The following NAV2 variants were observed in gnomAD, a reference collection of about 807,000 sequenced individuals.
NAV2 encodes neuron navigator 2, also known as helicase, APC down-regulated 1.
A neutral mutation model predicts 223.2 loss-of-function variants in NAV2; 54 were observed. The ratio of observed to expected loss-of-function variants is 0.24; its 90% CI spans 0.19 to 0.30. The LOEUF is 0.30. Ranked by LOEUF, NAV2 falls within the 10% of genes least tolerant of loss-of-function variation. The pLI is 1.00. For synonymous variants in NAV2, 1,279 were observed against 1,239.3 expected, an observed-to-expected ratio of 1.03 and a Z score of -0.67; for missense variants, 2,806 against 3,147.5, an observed-to-expected ratio of 0.89 and a Z score of 2.60.
At chr11:19,718,438 T>C (rs1263656234) in intron 1 of NAV2, among the ~76,000 whole-genome samples, 1 of 151,528 alleles carries the variant, frequency 6.6e-6, no homozygotes, top group African/African-American at 2.4e-5. Flanking sequence ...TAATTAGAAG[T>C]GATTGAACTT....
At chr11:20,044,706 C>A (rs1408578031) in intron 13 of NAV2, among the ~76,000 whole-genome samples, 1 of 152,126 alleles carries the variant, frequency 6.6e-6, no homozygotes, top group Non-Finnish European at 1.5e-5. Context: ...GGGGTTCTTT[C>A]CCCCCAGACA....
At chr11:19,382,575 C>G (rs577720764) in intron 1 of NAV2, among the ~76,000 whole-genome samples, 26 of 152,294 alleles carry the variant, frequency 1.7e-4, no homozygotes, top group African/African-American at 6.0e-4. Flanking sequence ...TTGTCTCCCC[C>G]ACATTGCAGA....
chr11:20,093,282 T>C (rs1291650598), intron 29 of NAV2, 83 bp downstream of exon 29: 9 of 903,658 alleles, frequency 1.0e-5, no homozygotes, highest in African/African-American at 1.6e-5. Context: ...GTAAAACCTC[T>C]ATCACCTTGG....
chr11:19,763,082 G>C (rs139191406), intron 1 of NAV2, among the ~76,000 whole-genome samples: 9 of 152,278 alleles, frequency 5.9e-5, no homozygotes, highest in African/African-American at 2.2e-4. Flanking sequence ...TTGTCTGTCT[G>C]GTTCACTACT....
intron 8 of NAV2, among the ~76,000 whole-genome samples, chr11:19,944,284 T>G (rs1230007899): frequency 6.6e-6 from 1 of 152,180 alleles, no homozygotes; most frequent in Admixed American, 6.5e-5. Flanking sequence ...TGTGGCATAT[T>G]TCTCATGGTA....
intron 22 of NAV2, among the ~76,000 whole-genome samples, chr11:20,073,001 C>T (rs1835212439): frequency 6.6e-6 from 1 of 152,162 alleles, no homozygotes; most frequent in African/African-American, 2.4e-5. Context: ...AGAGGGCATC[C>T]TTGTCTTGTG....
chr11:19,964,722 A>G (rs917477728), intron 10 of NAV2, among the ~76,000 whole-genome samples: 2 of 151,420 alleles, frequency 1.3e-5, no homozygotes, highest in African/African-American at 4.9e-5. Flanking sequence ...GCTGGTCTCA[A>G]ACTCCTAGCC....
At chr11:19,509,525 A>T (rs1335645048) in intron 1 of NAV2, among the ~76,000 whole-genome samples, 2 of 152,194 alleles carry the variant, frequency 1.3e-5, no homozygotes, top group South Asian at 4.1e-4. Context: ...TGCACTGAAG[A>T]TTTGGCTGAT....
chr11:19,859,785 C>A (rs1402898119), intron 3 of NAV2, among the ~76,000 whole-genome samples: 2 of 146,414 alleles, frequency 1.4e-5, no homozygotes, highest in Middle Eastern at 3.6e-3. Flanking sequence ...CCCCCCACCT[C>A]CCTCCCGGAC....
chr11:19,408,976 G>A (rs1450781306), intron 1 of NAV2, among the ~76,000 whole-genome samples: 2 of 142,794 alleles, frequency 1.4e-5, no homozygotes, highest in Non-Finnish European at 3.1e-5. Context: ...GAGCTGTGAA[G>A]CTAAAGGTTA....
At chr11:19,670,505 T>C (rs958603935) in intron 1 of NAV2, among the ~76,000 whole-genome samples, 2 of 152,204 alleles carry the variant, frequency 1.3e-5, no homozygotes, top group Non-Finnish European at 2.9e-5. Flanking sequence ...TGCATGTTCT[T>C]TGGTCACATT....
At chr11:19,462,248 A>G (rs117450082) in intron 1 of NAV2, among the ~76,000 whole-genome samples, 1 of 152,338 alleles carries the variant, frequency 6.6e-6, no homozygotes, top group East Asian at 1.9e-4. Flanking sequence ...CTATCCCCAG[A>G]GTTTCTGATT....
intron 1 of NAV2, among the ~76,000 whole-genome samples, chr11:19,439,180 G>A (rs1322799527): frequency 6.6e-6 from 1 of 152,134 alleles, no homozygotes; most frequent in Non-Finnish European, 1.5e-5. Flanking sequence ...TATGGCTCGG[G>A]AAGTTCCAAG....
At chr11:19,515,240 G>T (rs2043409187) in intron 1 of NAV2, among the ~76,000 whole-genome samples, 1 of 152,188 alleles carries the variant, frequency 6.6e-6, no homozygotes, top group Non-Finnish European at 1.5e-5. Flanking sequence ...AGGAGTAAAT[G>T]AAAGCAGGCA....
chr11:20,049,185 C>G lies in NAV2; in HGVS notation c.4360C>G (p.Leu1454Val), dbSNP rs548125563. Residue 1454 changes from leucine to valine, a missense_variant, in exon 15 of 38, where the codon CTG (leucine) becomes GTG (valine). Leu to Val is a conservative substitution (Grantham distance 32, BLOSUM62 1). Coordinates refer to ENST00000349880, the MANE Select transcript of NAV2 (RefSeq NM_145117.5). ...FVRTNSVKTT[L>V]SESPLSSPAA... ...CAGAACTAACAGTGTGAAGACCACA[C>G]TGTCAGAAAGGTTGGTGCTGTGCCT... is the stretch of plus-strand genomic sequence containing the variant. 39 of 1,594,136 alleles carry G rather than the reference C, an allele frequency of 2.4e-5. No individual in the cohort carries two copies. The South Asian group carries it at 2.7e-4, about 11-fold the overall frequency.
At chr11:19,894,919 G>A (rs1485380648) in intron 6 of NAV2, among the ~76,000 whole-genome samples, 4 of 151,664 alleles carry the variant, frequency 2.6e-5, no homozygotes, top group South Asian at 2.1e-4. Flanking sequence ...TAGTAGAGAC[G>A]GGGTTTCACC....
At chr11:19,926,453 A>G (rs1378851240) in intron 6 of NAV2, among the ~76,000 whole-genome samples, 1 of 152,138 alleles carries the variant, frequency 6.6e-6, no homozygotes, top group African/African-American at 2.4e-5. Context: ...AATATTAGAC[A>G]TTGACACAGC....
chr11:19,928,597 A>G (rs1001507745), intron 6 of NAV2, among the ~76,000 whole-genome samples: 5 of 152,202 alleles, frequency 3.3e-5, no homozygotes, highest in Non-Finnish European at 7.3e-5. Flanking sequence ...ACTGGTTTTC[A>G]TAGGATACTA....
At chr11:19,388,171 A>G (rs962811320) in intron 1 of NAV2, among the ~76,000 whole-genome samples, 9 of 152,360 alleles carry the variant, frequency 5.9e-5, no homozygotes, top group African/African-American at 2.2e-4. Context: ...AAGGGATTTT[A>G]GAAACAATGT....
Sources: allele counts gnomAD v4.1 joint callset (sites outside exome capture counted in the v4.1 genomes callset), GRCh38; gene constraint gnomAD v4.1.1; transcripts MANE v1.5; gene names NCBI Gene and HGNC (gene_info 2026-07-23, HGNC 2026-07-21).